Variants in PACS2 observed in about 807,000 individuals in gnomAD.
The protein encoded by PACS2 is PACS1-like protein.
PACS2 carries 36 observed loss-of-function variants against 113.0 expected under a neutral mutation model. That is an observed-to-expected ratio of 0.32 (90% CI 0.24 to 0.42). The LOEUF (loss-of-function observed/expected upper bound fraction) is 0.42, where lower values mean the gene tolerates loss of function less well. Among genes scored for constraint, PACS2 ranks in the 10% least tolerant of loss-of-function variants. PACS2 has a pLI of 1.00. For missense variants in PACS2, 1,015 were observed against 1,239.5 expected (o/e 0.82, Z 2.72); for synonymous variants, 589 against 536.1 (o/e 1.10, Z -1.36).
chr14:105,350,809 C>T (rs1165160703), intron 2 of PACS2, among the ~76,000 whole-genome samples: 1 of 152,246 alleles, frequency 6.6e-6, no homozygotes, highest in Non-Finnish European at 1.5e-5. Context: ...TGCAGGGAAA[C>T]ATCTCTGAAG....
chr14:105,383,719 GTTAATT>G (rs2081075143), intron 16 of PACS2: 1 of 552,358 alleles, frequency 1.8e-6, no homozygotes, highest in East Asian at 3.1e-5. Context: ...GTAACACTTT[GTTAATT>G]TTAATTATAT....
At chr14:105,380,263 C>T (rs2080935299) in intron 11 of PACS2, 109 bp downstream of exon 11, 4 of 895,900 alleles carry the variant, frequency 4.5e-6, no homozygotes, top group East Asian at 2.7e-5. Flanking sequence ...CCTCATGTCA[C>T]ACCTGGTGTG....
rs140257539 is a variant in PACS2, at chr14:105,328,936, A to G, written c.119+13899A>G. Among the ~76,000 whole-genome samples, 358 of 152,348 alleles carry G rather than the reference A, an allele frequency of 2.3e-3. 2 individuals carry two copies. Among genetic ancestry groups the G allele is most frequent in the African/African-American group, 7.5e-3 (312 of 41,600 alleles). On this transcript the variant is annotated intron_variant, in intron 1 of 24. Transcript: ENST00000447393. ...ATTATTGACCTAGAGAGAGAGGTCA[A>G]TTGTAATTCGGAGCTGCACAGTCGG...
At chr14:105,388,489 C>G (rs2081252637) in intron 19 of PACS2, 1 of 152,648 alleles carries the variant, frequency 6.6e-6, no homozygotes, top group South Asian at 2.1e-4. Context: ...GACGGCTGGG[C>G]TGGGCCTGTG....
At position 105,323,378 on chromosome 14, in the gene PACS2, CT is replaced by C. The variant is rs1408875688; in HGVS notation, c.119+8342del. 1.3e-5 allele frequency among the ~76,000 whole-genome samples: 2 copies of C among 152,242 alleles called. No individual in the cohort carries two copies. The highest frequency in any genetic ancestry group is 4.8e-5 in the African/African-American group (2 of 41,468). ...AGTAGCCTGTCTCCAGCCCTTCCCCCTGCCTCTGTCCACGTGCAGGGGCGTC... is the reference window on the plus strand; with the variant it reads ...AGTAGCCTGTCTCCAGCCCTTCCCCCGCCTCTGTCCACGTGCAGGGGCGTC... On this transcript the variant is annotated intron_variant, in intron 1 of 24. Coordinates refer to ENST00000447393, the MANE Select transcript of PACS2 (RefSeq NM_001100913.3). The surrounding 1 kb of genome is among the most constrained non-coding windows in gnomAD (Gnocchi z 4.1).
chr14:105,322,678 A>G (rs587718064), intron 1 of PACS2, among the ~76,000 whole-genome samples: 2 of 152,304 alleles, frequency 1.3e-5, no homozygotes, highest in Non-Finnish European at 2.9e-5. Context: ...TTATATTTAT[A>G]TGATTTTGTT....
chr14:105,368,403 T>C, intron 6 of PACS2, 56 bp from the exon 7 acceptor site: 13 of 1,334,020 alleles, frequency 9.7e-6, no homozygotes, highest in Non-Finnish European at 1.4e-5. Context: ...GCTGGCAGGG[T>C]CCTGCCAGCA....
At position 105,356,636 on chromosome 14, in the gene PACS2, A is replaced by T. The variant is rs72711574; in HGVS notation, c.423+1459A>T. 1.3e-5 allele frequency among the ~76,000 whole-genome samples: 2 copies of T among 152,282 alleles called. No individual in the cohort carries two copies. Among genetic ancestry groups the T allele is most frequent in the Non-Finnish European group, 2.9e-5 (2 of 68,006 alleles). On this transcript the variant is annotated intron_variant, in intron 4 of 24. Coordinates refer to ENST00000447393, the MANE Select transcript of PACS2 (RefSeq NM_001100913.3). This position sits in a 1 kb window ranked among gnomAD's most constrained non-coding sequence, Gnocchi z 4.0. ...AGGGTCCAGGCACTGTGGGGAGGTC[A>T]TGCAGGCTCTGTTTCCCATTAGCCA... is the stretch of plus-strand genomic sequence containing the variant.
rs1477952496 is a variant in PACS2 at position 105,324,071 on chromosome 14, G to A, written c.119+9034G>A. ...TTTGTGCAGGAGATGGAGGGCAGGG[G>A]GCTACAGTGCCCTTGGACTAAAGGA... On this transcript the variant is annotated intron_variant, in intron 1 of 24. Transcript: ENST00000447393. The surrounding 1 kb of genome is among the most constrained non-coding windows in gnomAD (Gnocchi z 4.7). Among the ~76,000 whole-genome samples, 1 of 152,234 alleles carries A rather than the reference G, an allele frequency of 6.6e-6. No individual in the cohort carries two copies. Among genetic ancestry groups the A allele is most frequent in the South Asian group, 2.1e-4 (1 of 4,834 alleles).
In PACS2 at chr14:105,366,065, G is replaced by A. The variant is rs1196680141; in HGVS notation, c.424-1148G>A. ...GGACCCCACAATCAAAATAAATCTGGTCGGCTGGGCGTGGTGGCTCACGCC... is the reference window on the plus strand; with the variant it reads ...GGACCCCACAATCAAAATAAATCTGATCGGCTGGGCGTGGTGGCTCACGCC... On this transcript the variant is annotated intron_variant, in intron 4 of 24. Transcript: ENST00000447393. The surrounding 1 kb of genome is among the most constrained non-coding windows in gnomAD (Gnocchi z 4.3). Among the ~76,000 whole-genome samples, 1 of 152,186 alleles carries A rather than the reference G, an allele frequency of 6.6e-6. No individual in the cohort carries two copies. Among genetic ancestry groups the A allele is most frequent in the Admixed American group, 6.5e-5 (1 of 15,282 alleles).
chr14:105,337,526 G>GA (rs1364815715), intron 1 of PACS2, among the ~76,000 whole-genome samples: 1 of 152,230 alleles, frequency 6.6e-6, no homozygotes, highest in Non-Finnish European at 1.5e-5. Flanking sequence ...CTTCCTACCA[G>GA]AAAAAAACAG....
chr14:105,316,197 T>G (rs2058616926), intron 1 of PACS2, among the ~76,000 whole-genome samples: 1 of 152,198 alleles, frequency 6.6e-6, no homozygotes. Flanking sequence ...GCACGACTCT[T>G]GCACCTGGCG....
rs782698341 is a variant in PACS2, at chr14:105,382,511, A to G, written c.1448A>G (p.His483Arg). The change falls in exon 14 of 25, where the codon CAC (histidine) becomes CGC (arginine). Residue 483 changes from histidine to arginine, a missense_variant. Physicochemically the swap from His to Arg is conservative, Grantham distance 29. This residue lies in a region of PACS2 where 859 missense variants were observed against 1,056.8 expected (regional missense o/e 0.81). Transcript: ENST00000447393. ...AAGACTGTGTATGACCAGCTCAACC[A>G]CATCCTCATCTCCGATGACCAGCTT... ...PRKTVYDQLNHILISDDQLPE... is the reference protein window; with the variant it reads ...PRKTVYDQLNRILISDDQLPE... 6.2e-7 allele frequency: 1 copy of G among 1,612,528 alleles called. No homozygotes were observed. The highest frequency in any genetic ancestry group is 8.5e-7 in the Non-Finnish European group (1 of 1,178,694).
rs77427236 is a variant in PACS2, at chr14:105,391,339, T to C, written c.2119+90T>C. ...TCGAGTCCTGCAGACCAGATCAACCTTTCAGGGCCTGAGAGCCGCCACGTC... is the reference window on the plus strand; with the variant it reads ...TCGAGTCCTGCAGACCAGATCAACCCTTCAGGGCCTGAGAGCCGCCACGTC... On this transcript the variant is annotated intron_variant, in intron 21 of 24. Transcript: ENST00000447393. 12,507 of 1,006,914 alleles carry C rather than the reference T, an allele frequency of 0.012. 1,027 individuals carry two copies. The African/African-American group carries it at 0.17, about 14-fold the overall frequency. The allele number at this position is 1,006,914 out of a possible 1,614,324, so 62.4% of individuals were successfully genotyped here. A position where few individuals can be genotyped will look rare whatever the true frequency, so the allele number is the denominator to read the frequency against.
rs1000198051 is a variant in PACS2 at position 105,356,333 on chromosome 14, G to A, written c.423+1156G>A. Reference sequence around the variant, plus strand: ...GGGAGCGTGGAGGGTACAGGAAGCAGCAGTGGCGTCCCGAGGCCTCGCTTC... The same window carrying A: ...GGGAGCGTGGAGGGTACAGGAAGCAACAGTGGCGTCCCGAGGCCTCGCTTC... On this transcript the variant is annotated intron_variant, in intron 4 of 24. Coordinates refer to ENST00000447393, the MANE Select transcript of PACS2 (RefSeq NM_001100913.3). The surrounding 1 kb of genome is among the most constrained non-coding windows in gnomAD (Gnocchi z 4.0). 6.6e-6 allele frequency among the ~76,000 whole-genome samples: 1 copy of A among 152,210 alleles called. No individual in the cohort carries two copies. Among genetic ancestry groups the A allele is most frequent in the Non-Finnish European group, 1.5e-5 (1 of 68,026 alleles).
At chr14:105,349,441 G>A (rs2060072834) in intron 2 of PACS2, among the ~76,000 whole-genome samples, 1 of 152,224 alleles carries the variant, frequency 6.6e-6, no homozygotes, top group South Asian at 2.1e-4. Flanking sequence ...CCCTGCCCTT[G>A]GAGCCCATGT....
rs1035155626 is a variant in PACS2 at position 105,340,415 on chromosome 14, C to T, written c.120-8078C>T. Among the ~76,000 whole-genome samples, 3 of 152,180 alleles carry T rather than the reference C, an allele frequency of 2.0e-5. No homozygotes were observed. Among genetic ancestry groups the T allele is most frequent in the African/African-American group, 4.8e-5 (2 of 41,434 alleles). On this transcript the variant is annotated intron_variant, in intron 1 of 24. Transcript: ENST00000447393. This position sits in a 1 kb window ranked among gnomAD's most constrained non-coding sequence, Gnocchi z 4.2. The stretch of plus-strand genomic sequence containing the variant: ...GCAGTGGTCCCCAACCTTTTTGCCG[C>T]CAGGGACCGGTTTTGTGGAAGACAG...
upstream of PACS2, among the ~76,000 whole-genome samples, chr14:105,311,250 G>T (rs587624102): frequency 6.6e-6 from 1 of 151,698 alleles, no homozygotes; most frequent in Non-Finnish European, 1.5e-5. Context: ...CACTGTGCCC[G>T]GCCTTTTTAT....
chr14:105,339,091 C>T (rs1377760762), intron 1 of PACS2, among the ~76,000 whole-genome samples: 10 of 152,194 alleles, frequency 6.6e-5, no homozygotes, highest in African/African-American at 2.4e-4. Flanking sequence ...CCTGGGGACC[C>T]GTGGCTGTCA....
Sources: gnomAD v4.1 joint callset for allele counts (sites outside exome capture counted in the v4.1 genomes callset) on GRCh38, gnomAD v4.1.1 for gene constraint, gnomAD v4.1.1 regional missense constraint, Gnocchi (gnomAD v3.1) non-coding constraint, MANE v1.5 for transcripts, NCBI Gene and HGNC (gene_info 2026-07-23, HGNC 2026-07-21) for gene names.